The following HECW1 variants were observed in gnomAD, a reference collection of about 807,000 sequenced individuals.
HECW1 encodes the protein HECT, C2 and WW domain containing E3 ubiquitin protein ligase 1, also known as E3 ubiquitin-protein ligase HECW1.
Under a neutral mutation model 182.3 loss-of-function variants are expected in HECW1, and 61 were observed. That is an observed-to-expected ratio of 0.33 (90% CI 0.27 to 0.41). The LOEUF (loss-of-function observed/expected upper bound fraction) is 0.41, where lower values mean the gene tolerates loss of function less well. Ranked by LOEUF, HECW1 falls within the 10% of genes least tolerant of loss-of-function variation. The pLI is 1.00. For synonymous variants in HECW1, 859 were observed against 832.6 expected (o/e 1.03, Z -0.55); for missense variants, 1,739 against 2,108.9 (o/e 0.82, Z 3.44).
chr7:43,514,638 A>G (rs918059391), intron 24 of HECW1, among the ~76,000 whole-genome samples: 1 of 152,138 alleles, frequency 6.6e-6, no homozygotes, highest in South Asian at 2.1e-4. Context: ...TGTCATTTGC[A>G]TATTGATGAG....
intron 2 of HECW1, among the ~76,000 whole-genome samples, chr7:43,137,703 C>G (rs1387551247): frequency 6.6e-6 from 1 of 152,012 alleles, no homozygotes; most frequent in East Asian, 1.9e-4. Context: ...GCATGTGCCA[C>G]CACGCCCAGC....
intron 5 of HECW1, among the ~76,000 whole-genome samples, chr7:43,350,461 A>C (rs1318567132): frequency 3.9e-5 from 6 of 152,144 alleles, no homozygotes; most frequent in African/African-American, 1.2e-4. Context: ...AATGTTTTCC[A>C]GGCTTTTAGA....
chr7:43,209,003 A>G (rs574589344), intron 2 of HECW1, among the ~76,000 whole-genome samples: 1 of 152,276 alleles, frequency 6.6e-6, no homozygotes, highest in Non-Finnish European at 1.5e-5. Context: ...CTCTTTTGAT[A>G]TTGAACTTGG....
At chr7:43,442,486 A>G in intron 9 of HECW1, 43 bp from the exon 10 acceptor site, 1 of 1,360,384 alleles carries the variant, frequency 7.4e-7, no homozygotes, top group Non-Finnish European at 1.0e-6. Flanking sequence ...CATTAGGAAG[A>G]GAGGTATTGA....
chr7:43,301,214 G>C (rs778030339), intron 3 of HECW1, among the ~76,000 whole-genome samples: 20 of 152,322 alleles, frequency 1.3e-4, no homozygotes, highest in Non-Finnish European at 2.9e-4. Context: ...CAGCTAAGAG[G>C]AGCTCTGCTG....
At chr7:43,286,689 T>A (rs116067364) in intron 3 of HECW1, among the ~76,000 whole-genome samples, 9,038 of 152,008 alleles carry the variant, frequency 0.059, 813 homozygotes, top group African/African-American at 0.2. Context: ...CCCCCAAAGG[T>A]GTTTGGGAGG....
intron 24 of HECW1, among the ~76,000 whole-genome samples, chr7:43,539,625 T>C (rs2081293885): frequency 6.6e-6 from 1 of 151,900 alleles, no homozygotes; most frequent in South Asian, 2.1e-4. Context: ...CCTGCTTTGA[T>C]TCCCAGCTCT....
chr7:43,216,436 A>G (rs1187891186), intron 2 of HECW1, among the ~76,000 whole-genome samples: 4 of 151,872 alleles, frequency 2.6e-5, no homozygotes, highest in Non-Finnish European at 5.9e-5. Context: ...GTGCCACCGC[A>G]TGCCAGCCGA....
At chr7:43,214,648 G>T (rs1328693924) in intron 2 of HECW1, among the ~76,000 whole-genome samples, 1 of 152,150 alleles carries the variant, frequency 6.6e-6, no homozygotes, top group Non-Finnish European at 1.5e-5. Context: ...CAAACTCAAG[G>T]TGCCTAATTT....
chr7:43,156,407 T>G (rs1789891949), intron 2 of HECW1, among the ~76,000 whole-genome samples: 1 of 152,214 alleles, frequency 6.6e-6, no homozygotes, highest in Non-Finnish European at 1.5e-5. Flanking sequence ...GGTATTTCTC[T>G]TATCTTAGTA....
At chr7:43,349,342 G>A (rs1448832201) in intron 5 of HECW1, among the ~76,000 whole-genome samples, 2 of 152,118 alleles carry the variant, frequency 1.3e-5, no homozygotes, top group African/African-American at 4.8e-5. Context: ...CCTGTTGGAT[G>A]AAATGTTCTA....
chr7:43,493,646 C>T (rs1477244690), intron 19 of HECW1, among the ~76,000 whole-genome samples: 2 of 152,086 alleles, frequency 1.3e-5, no homozygotes, highest in Non-Finnish European at 2.9e-5. Context: ...GAACAAGTGC[C>T]CTGAAACTCT....
intron 24 of HECW1, among the ~76,000 whole-genome samples, chr7:43,515,524 G>C (rs1204720607): frequency 6.6e-6 from 1 of 152,156 alleles, no homozygotes; most frequent in Non-Finnish European, 1.5e-5. Context: ...AACAAAACTT[G>C]GTGATAGATT....
Position 43,311,930 on chromosome 7 carries a change from C to A in HECW1, c.195C>A (p.Arg65=), listed in dbSNP as rs1201808296. The A allele has an allele frequency of 1.9e-6, 3 of 1,614,106 alleles. No individual in the cohort carries two copies. Among genetic ancestry groups the A allele is most frequent in the Non-Finnish European group, 2.5e-6 (3 of 1,180,052 alleles). Residue 65 remains arginine (R), a synonymous_variant, in exon 4 of 30, where the codon CGC becomes CGA. Coordinates refer to ENST00000395891, the MANE Select transcript of HECW1 (RefSeq NM_015052.5). ...CCCACGATGGCGTCACCATTCCCCGCTCCACCAGCGACACTGACCTGGTCA... is the reference window on the plus strand; with the variant it reads ...CCCACGATGGCGTCACCATTCCCCGATCCACCAGCGACACTGACCTGGTCA... ...GGPHDGVTIP[R]STSDTDLVTS...
intron 3 of HECW1, among the ~76,000 whole-genome samples, chr7:43,264,082 A>AT (rs1178328344): frequency 6.6e-6 from 1 of 152,198 alleles, no homozygotes; most frequent in African/African-American, 2.4e-5. Context: ...TTACATAGTT[A>AT]TTTTTTGTGG....
chr7:43,434,242 T>C (rs1453596982), intron 8 of HECW1, among the ~76,000 whole-genome samples: 1 of 152,158 alleles, frequency 6.6e-6, no homozygotes, highest in Non-Finnish European at 1.5e-5. Flanking sequence ...CCAGCTGAAA[T>C]GAGTTAGTAA....
chr7:43,461,933 G>A (rs112654925), intron 13 of HECW1, among the ~76,000 whole-genome samples: 35 of 152,286 alleles, frequency 2.3e-4, no homozygotes, highest in African/African-American at 8.2e-4. Context: ...ACTTCCTAAA[G>A]AACTCGTTAG....
chr7:43,243,205 G>A lies in HECW1; in HGVS notation c.-31-670G>A, dbSNP rs1157037346. Among the ~76,000 whole-genome samples the A allele has an allele frequency of 6.6e-6, 1 of 152,172 alleles. No individual in the cohort carries two copies. The highest frequency in any genetic ancestry group is 1.5e-5 in the Non-Finnish European group (1 of 68,030). On this transcript the variant is annotated intron_variant, in intron 2 of 29. Transcript: ENST00000395891. This position sits in a 1 kb window ranked among gnomAD's most constrained non-coding sequence, Gnocchi z 4.0. Reference sequence around the variant, plus strand: ...ACAATACCTGGATTAAGAGGGCCCTGACAGATGATGCCGTCAGCAACTGTC... The same window carrying A: ...ACAATACCTGGATTAAGAGGGCCCTAACAGATGATGCCGTCAGCAACTGTC...
chr7:43,482,766 G>A (rs952916209), intron 17 of HECW1, among the ~76,000 whole-genome samples: 2 of 152,034 alleles, frequency 1.3e-5, no homozygotes, highest in Non-Finnish European at 2.9e-5. Context: ...TTAGTCAGAT[G>A]TGGTGGCGTG....
Sources: allele counts gnomAD v4.1 joint callset (sites outside exome capture counted in the v4.1 genomes callset), GRCh38; gene constraint gnomAD v4.1.1; non-coding constraint Gnocchi (gnomAD v3.1); transcripts MANE v1.5; gene names NCBI Gene and HGNC (gene_info 2026-07-23, HGNC 2026-07-21).